Variants in UBE2K observed in about 807,000 individuals in gnomAD.
The protein encoded by UBE2K is ubiquitin conjugating enzyme E2 K.
Under a neutral mutation model 30.0 loss-of-function variants are expected in UBE2K, and 6 were observed. That is an observed-to-expected ratio of 0.20 (90% CI 0.11 to 0.39). The LOEUF (loss-of-function observed/expected upper bound fraction) is 0.39. Among genes scored for constraint, UBE2K ranks in the 10% least tolerant of loss-of-function variants. The probability of loss-of-function intolerance (pLI) is 1.00; values close to 1 mark genes in which losing one functional copy is unlikely to be tolerated. For missense variants in UBE2K, 61 were observed against 241.6 expected (o/e 0.25, Z 4.96); for synonymous variants, 86 against 83.7 (o/e 1.03, Z -0.15).
intron 1 of UBE2K, among the ~76,000 whole-genome samples, chr4:39,736,337 C>T (rs193177077): frequency 1.2e-4 from 19 of 152,234 alleles, no homozygotes; most frequent in African/African-American, 4.6e-4. Flanking sequence ...TAGTGGGTGC[C>T]TGTAATCCCA....
chr4:39,714,794 C>T lies in UBE2K; in HGVS notation c.63+16404C>T, dbSNP rs1166765939. ...TCGATCTCCTGACCTCGTGATGTGC[C>T]CACCTTGGCCTCCCTAAGTGCTGGG... is the stretch of plus-strand genomic sequence containing the variant. On this transcript the variant is annotated intron_variant, in intron 1 of 6. Coordinates refer to ENST00000261427, the MANE Select transcript of UBE2K (RefSeq NM_005339.5). Among the ~76,000 whole-genome samples, 4 of 151,116 alleles carry T rather than the reference C, an allele frequency of 2.6e-5. No homozygotes were observed. The East Asian group carries it at 7.9e-4, about 30-fold the overall frequency.
At chr4:39,728,198 T>C (rs1365466596) in intron 1 of UBE2K, among the ~76,000 whole-genome samples, 2 of 152,202 alleles carry the variant, frequency 1.3e-5, no homozygotes, top group African/African-American at 4.8e-5. Flanking sequence ...AAACCTGGCT[T>C]CACTGATTAT....
At chr4:39,765,580 G>T (rs555454693) in intron 4 of UBE2K, among the ~76,000 whole-genome samples, 2 of 152,310 alleles carry the variant, frequency 1.3e-5, no homozygotes, top group Admixed American at 6.5e-5. Flanking sequence ...AGCACTTTGG[G>T]AGGCCGAGAT....
rs531507612 is a variant in UBE2K at position 39,748,533 on chromosome 4, A to T, written c.216+2723A>T. Among the ~76,000 whole-genome samples the T allele has an allele frequency of 2.1e-3, 315 of 152,142 alleles. 1 individual carries two copies. The highest frequency in any genetic ancestry group is 7.0e-3 in the African/African-American group (292 of 41,514). On this transcript the variant is annotated intron_variant, in intron 3 of 6. Coordinates refer to ENST00000261427, the MANE Select transcript of UBE2K (RefSeq NM_005339.5). Reference sequence around the variant, plus strand: ...GGTGGCTCACGCCTATAATCCCAGCACTTTAGGAAGTCAAGGCAGGAGAAG... The same window carrying T: ...GGTGGCTCACGCCTATAATCCCAGCTCTTTAGGAAGTCAAGGCAGGAGAAG...
intron 1 of UBE2K, among the ~76,000 whole-genome samples, chr4:39,700,009 C>G (rs993224685): frequency 3.0e-4 from 46 of 152,080 alleles, no homozygotes; most frequent in African/African-American, 1.1e-3. Flanking sequence ...CATATATACT[C>G]CTAATGAAAG....
At chr4:39,719,129 A>G (rs1429946884) in intron 1 of UBE2K, among the ~76,000 whole-genome samples, 4 of 152,212 alleles carry the variant, frequency 2.6e-5, no homozygotes, top group African/African-American at 9.6e-5. Context: ...GCATTCCTAC[A>G]CATACCTCAG....
rs149342257 is a variant in UBE2K at position 39,718,289 on chromosome 4, G to A, written c.64-19131G>A. 8.1e-3 allele frequency among the ~76,000 whole-genome samples: 1,236 copies of A among 152,260 alleles called. 19 individuals are homozygous for A. The highest frequency in any genetic ancestry group is 0.028 in the African/African-American group (1,169 of 41,538). ...CTAGATTAGCTAGATACAGAGTGTC[G>A]ATTGCTGTATTTACAAACCCTGAGC... On this transcript the variant is annotated intron_variant, in intron 1 of 6. Coordinates refer to ENST00000261427, the MANE Select transcript of UBE2K (RefSeq NM_005339.5).
intron 4 of UBE2K, among the ~76,000 whole-genome samples, chr4:39,764,313 A>G (rs1429448047): frequency 6.6e-6 from 1 of 152,216 alleles, no homozygotes; most frequent in Non-Finnish European, 1.5e-5. Context: ...TGAAAATTCA[A>G]TCAGGCAGAA....
intron 4 of UBE2K, among the ~76,000 whole-genome samples, chr4:39,773,971 C>A (rs1412052539): frequency 6.6e-6 from 1 of 151,888 alleles, no homozygotes; most frequent in African/African-American, 2.4e-5. Flanking sequence ...ACAAGAAAAA[C>A]AAGGACAGTT....
chr4:39,765,908 T>TATATATACATACATAC (rs1553879994), intron 4 of UBE2K, among the ~76,000 whole-genome samples: 10 of 149,640 alleles, frequency 6.7e-5, no homozygotes, highest in Admixed American at 3.4e-4. Flanking sequence ...AGGATATATA[T>TATATATACATACATAC]ATACATACAT....
chr4:39,776,177 C>T (rs958801806), intron 5 of UBE2K, among the ~76,000 whole-genome samples: 2 of 152,170 alleles, frequency 1.3e-5, no homozygotes, highest in South Asian at 4.1e-4. Context: ...ATCCAAGGAA[C>T]ATTCATATGG....
chr4:39,760,148 G>A (rs1240902326), intron 4 of UBE2K, among the ~76,000 whole-genome samples: 3 of 121,530 alleles, frequency 2.5e-5, no homozygotes. Flanking sequence ...CTGCACTCCA[G>A]CCTGGGTGAC....
At chr4:39,733,158 T>C (rs1720175351) in intron 1 of UBE2K, among the ~76,000 whole-genome samples, 1 of 151,214 alleles carries the variant, frequency 6.6e-6, no homozygotes, top group Non-Finnish European at 1.5e-5. Flanking sequence ...TTATGAAAAA[T>C]TTACAGTGAT....
chr4:39,717,392 G>A (rs1402386309), intron 1 of UBE2K, among the ~76,000 whole-genome samples: 2 of 151,850 alleles, frequency 1.3e-5, no homozygotes, highest in African/African-American at 4.8e-5. Flanking sequence ...TGCCACACCC[G>A]GCTAATTTTT....
At position 39,698,270 on chromosome 4, in the gene UBE2K, T is replaced by C; in HGVS notation, c.-58T>C. 1.9e-6 allele frequency: 3 copies of C among 1,546,322 alleles called. No homozygotes were observed. Among genetic ancestry groups the C allele is most frequent in the Non-Finnish European group, 1.8e-6 (2 of 1,131,014 alleles). Reference sequence around the variant, plus strand: ...GCGGTGGAGGAAGAGGTGGCGGCGGTGGCGGTGGTCGTAGCGGTGGCGGAG... The same window carrying C: ...GCGGTGGAGGAAGAGGTGGCGGCGGCGGCGGTGGTCGTAGCGGTGGCGGAG... On this transcript the variant is annotated 5_prime_UTR_variant, in exon 1 of 7. Coordinates refer to ENST00000261427, the MANE Select transcript of UBE2K (RefSeq NM_005339.5).
chr4:39,762,867 C>T (rs1712047163), intron 4 of UBE2K, among the ~76,000 whole-genome samples: 1 of 151,392 alleles, frequency 6.6e-6, no homozygotes, highest in South Asian at 2.1e-4. Context: ...CTCCTGACCT[C>T]ATGATCTGCC....
chr4:39,748,660 T>C (rs972516999), intron 3 of UBE2K, among the ~76,000 whole-genome samples: 6 of 151,822 alleles, frequency 4.0e-5, no homozygotes, highest in Non-Finnish European at 8.8e-5. Flanking sequence ...TCTACATCTC[T>C]AATTCTAGCT....
chr4:39,777,656 G>T, intron 5 of UBE2K, 26 bp from the exon 6 acceptor site: 2 of 1,523,790 alleles, frequency 1.3e-6, no homozygotes, highest in Non-Finnish European at 1.7e-6. Flanking sequence ...GTAATGTCAT[G>T]TCAATCAATT....
At position 39,770,988 on chromosome 4, in the gene UBE2K, G is replaced by A. The variant is rs927302422; in HGVS notation, c.300-3846G>A. 10 of 1,606,524 alleles carry A rather than the reference G, an allele frequency of 6.2e-6. No homozygotes were observed. The Admixed American group carries it at 6.7e-5, about 11-fold the overall frequency. On this transcript the variant is annotated intron_variant, in intron 4 of 6. Transcript: ENST00000261427. ...TCCTGGCTGGAGGGAGGAGGGACTT[G>A]TTGGCGCTGACGCTGCTCACAAGGC...
Sources: allele counts gnomAD v4.1 joint callset (sites outside exome capture counted in the v4.1 genomes callset), GRCh38; gene constraint gnomAD v4.1.1; transcripts MANE v1.5; gene names NCBI Gene and HGNC (gene_info 2026-07-23, HGNC 2026-07-21).